The following KAT6B variants were observed in gnomAD, a reference collection of about 807,000 sequenced individuals.
KAT6B encodes the protein histone acetyltransferase KAT6B.
Under a neutral mutation model 187.5 loss-of-function variants are expected in KAT6B, and 10 were observed. The ratio of observed to expected loss-of-function variants is 0.05; its 90% CI spans 0.03 to 0.09. The LOEUF (loss-of-function observed/expected upper bound fraction) is 0.09, where lower values mean the gene tolerates loss of function less well. Ranked by LOEUF, KAT6B falls within the 10% of genes least tolerant of loss-of-function variation. The pLI is 1.00. For synonymous variants in KAT6B, 861 were observed against 926.8 expected (o/e 0.93, Z 1.29); for missense variants, 1,952 against 2,558.9 (o/e 0.76, Z 5.12).
At chr10:74,895,361 ATAT>A (rs10693929) in intron 3 of KAT6B, among the ~76,000 whole-genome samples, 48 of 149,470 alleles carry the variant, frequency 3.2e-4, no homozygotes, top group Middle Eastern at 3.5e-3. Context: ...CCCTTTAATC[ATAT>A]TATTATTATT....
At chr10:74,965,887 G>A (rs546929716) in intron 4 of KAT6B, among the ~76,000 whole-genome samples, 9 of 150,006 alleles carry the variant, frequency 6.0e-5, no homozygotes, top group African/African-American at 1.0e-4. Flanking sequence ...CACCACGCCC[G>A]GCCAATTTTC....
intron 3 of KAT6B, among the ~76,000 whole-genome samples, chr10:74,870,688 C>T (rs898379982): frequency 6.6e-6 from 1 of 152,010 alleles, no homozygotes; most frequent in East Asian, 1.9e-4. Flanking sequence ...AGGCGATTCT[C>T]CTGCCTCAGC....
chr10:75,029,497 C>A lies in KAT6B; in HGVS notation c.4673C>A (p.Thr1558Asn), dbSNP rs1266713613. ...CAGGAGAGCAGCGAACAGGACGACACCTTTCAGGATTGTGCCGAGACTCAA... is the reference window on the plus strand; with the variant it reads ...CAGGAGAGCAGCGAACAGGACGACAACTTTCAGGATTGTGCCGAGACTCAA... ...LTQESSEQDD[T>N]FQDCAETQEA... is the part of the protein sequence containing the mutation. The change falls in exon 18 of 18, where the codon ACC becomes AAC. Residue 1558 changes from threonine (T) to asparagine (N), a missense_variant. This residue lies in a region of KAT6B where 758 missense variants were observed against 891.4 expected (regional missense o/e 0.85). Coordinates refer to ENST00000287239, the MANE Select transcript of KAT6B (RefSeq NM_012330.4). The surrounding 1 kb of genome is among the most constrained non-coding windows in gnomAD (Gnocchi z 6.2). The A allele has an allele frequency of 6.2e-7, 1 of 1,614,168 alleles. No individual in the cohort carries two copies. The highest frequency in any genetic ancestry group is 1.6e-4 in the Middle Eastern group (1 of 6,062).
At chr10:74,825,524 G>A (rs528735753), upstream of KAT6B, 1 of 157,556 alleles carries the variant, frequency 6.3e-6, no homozygotes, top group African/African-American at 2.4e-5. The surrounding 1 kb of genome is among the most constrained non-coding windows in gnomAD (Gnocchi z 5.0). Context: ...GGAGGAGAAG[G>A]AGGCGGCGGC....
Position 74,881,577 on chromosome 10 carries a change from A to G in KAT6B, c.621+38099A>G, listed in dbSNP as rs61862630. Among the ~76,000 whole-genome samples, 1,004 of 152,314 alleles carry G rather than the reference A, an allele frequency of 6.6e-3. 4 individuals carry two copies. Among genetic ancestry groups the G allele is most frequent in the Non-Finnish European group, 0.011 (748 of 68,032 alleles). On this transcript the variant is annotated intron_variant, in intron 3 of 17. Transcript: ENST00000287239. ...TTTTTGAGTGATTATACTGAAAACAATTGCATGTTGTCTCATGCAGAATTT... is the reference window on the plus strand; with the variant it reads ...TTTTTGAGTGATTATACTGAAAACAGTTGCATGTTGTCTCATGCAGAATTT...
At chr10:74,882,583 A>T (rs570377545) in intron 3 of KAT6B, among the ~76,000 whole-genome samples, 1 of 152,322 alleles carries the variant, frequency 6.6e-6, no homozygotes, top group South Asian at 2.1e-4. Context: ...CTTTTTCTAC[A>T]TGGGCCACGT....
At chr10:74,847,635 G>A (rs1051815777) in intron 3 of KAT6B, among the ~76,000 whole-genome samples, 1 of 151,408 alleles carries the variant, frequency 6.6e-6, no homozygotes, top group Non-Finnish European at 1.5e-5. Flanking sequence ...TTGCATTCCA[G>A]CCTGGGCAAC....
chr10:74,908,678 A>T (rs539592164), intron 3 of KAT6B, among the ~76,000 whole-genome samples: 78 of 152,284 alleles, frequency 5.1e-4, no homozygotes, highest in African/African-American at 1.6e-3. Flanking sequence ...AGCCTATAAA[A>T]ATGGGAATTT....
intron 3 of KAT6B, 133 bp from the exon 4 acceptor site, chr10:74,959,837 A>G: frequency 1.5e-6 from 1 of 682,436 alleles, no homozygotes; most frequent in South Asian, 1.7e-5. Flanking sequence ...TTATTTAAAT[A>G]CGTTATTTAG....
intron 3 of KAT6B, among the ~76,000 whole-genome samples, chr10:74,868,959 T>G (rs1251940909): frequency 1.3e-5 from 2 of 152,212 alleles, no homozygotes; most frequent in Non-Finnish European, 2.9e-5. Flanking sequence ...CCTGCTGCTG[T>G]TTTAATGAAA....
chr10:74,898,050 T>C (rs1846108878), intron 3 of KAT6B, among the ~76,000 whole-genome samples: 1 of 152,234 alleles, frequency 6.6e-6, no homozygotes. Context: ...CTGGAATTTT[T>C]CTTTGTCAAC....
chr10:74,865,947 C>T (rs1843522638), intron 3 of KAT6B, among the ~76,000 whole-genome samples: 1 of 152,162 alleles, frequency 6.6e-6, no homozygotes, highest in East Asian at 1.9e-4. Flanking sequence ...GGTCAACTTA[C>T]GTGCTGATTT....
At chr10:74,947,852 G>A (rs1840058886) in intron 3 of KAT6B, among the ~76,000 whole-genome samples, 1 of 152,196 alleles carries the variant, frequency 6.6e-6, no homozygotes. Context: ...AGGGGCTTTG[G>A]TTTTGTGCAG....
At chr10:74,925,462 T>G (rs1402359540) in intron 3 of KAT6B, among the ~76,000 whole-genome samples, 2 of 141,798 alleles carry the variant, frequency 1.4e-5, no homozygotes, top group African/African-American at 5.1e-5. Context: ...CTAGGATTAG[T>G]TTTGTTACAG....
At position 74,981,768 on chromosome 10, in the gene KAT6B, G is replaced by T; in HGVS notation, c.2232-19G>T. 1.4e-6 allele frequency: 2 copies of T among 1,461,364 alleles called. No homozygotes were observed. The highest frequency in any genetic ancestry group is 9.6e-7 in the Non-Finnish European group (1 of 1,042,904). The allele number at this position is 1,461,364 out of a possible 1,614,324, so 90.5% of individuals were successfully genotyped here. ...GTATAATCTATCTGATAGATTCTAT[G>T]ATTTTTAAACTTTAACAGATTACCA... On this transcript the variant is annotated intron_variant, in intron 10 of 17. Transcript: ENST00000287239.
intron 3 of KAT6B, among the ~76,000 whole-genome samples, chr10:74,954,892 A>G (rs1350000044): frequency 1.3e-5 from 2 of 152,166 alleles, no homozygotes; most frequent in Non-Finnish European, 2.9e-5. Flanking sequence ...CGCTCTATAG[A>G]TTAACATATT....
At chr10:74,909,871 T>C (rs1221993421) in intron 3 of KAT6B, among the ~76,000 whole-genome samples, 1 of 152,062 alleles carries the variant, frequency 6.6e-6, no homozygotes, top group Non-Finnish European at 1.5e-5. Flanking sequence ...CCCAAACCAT[T>C]TAGATTTCAG....
At chr10:74,855,155 T>G (rs1339199247) in intron 3 of KAT6B, among the ~76,000 whole-genome samples, 2 of 152,178 alleles carry the variant, frequency 1.3e-5, no homozygotes, top group African/African-American at 4.8e-5. Context: ...CCTGGTGAAT[T>G]TAGATAATTT....
rs755754008 is a variant in KAT6B at position 74,858,283 on chromosome 10, A to ATT, written c.621+14823_621+14824dup. Among the ~76,000 whole-genome samples, 96 of 135,128 alleles carry ATT rather than the reference A, an allele frequency of 7.1e-4. 1 individual carries two copies. The highest frequency in any genetic ancestry group is 1.9e-3 in the African/African-American group (70 of 35,920). The allele number at this position is 135,128 out of a possible 152,430, so 88.6% of individuals were successfully genotyped here. On this transcript the variant is annotated intron_variant, in intron 3 of 17. Coordinates refer to ENST00000287239, the MANE Select transcript of KAT6B (RefSeq NM_012330.4). ...TTAACAATAGAAGTTTGGATGGGCA[A>ATT]TTTTTTTTTTTTTTTTTTTGAGACA...
Sources: gnomAD v4.1 joint callset for allele counts (sites outside exome capture counted in the v4.1 genomes callset) on GRCh38, gnomAD v4.1.1 for gene constraint, gnomAD v4.1.1 regional missense constraint, Gnocchi (gnomAD v3.1) non-coding constraint, MANE v1.5 for transcripts, NCBI Gene and HGNC (gene_info 2026-07-23, HGNC 2026-07-21) for gene names.